Variants in CDC42 observed in about 807,000 individuals in gnomAD.
CDC42 encodes cell division control protein 42 homolog.
In CDC42, 1 loss-of-function variant was observed where a neutral mutation model predicts 20.8. The ratio of observed to expected loss-of-function variants is 0.05; its 90% CI spans 0.02 to 0.23. The LOEUF (loss-of-function observed/expected upper bound fraction) is 0.23. CDC42 is among the 10% of genes least tolerant of loss of function. CDC42 has a pLI of 1.00. For synonymous variants in CDC42, 72 were observed against 84.8 expected, an observed-to-expected ratio of 0.85 and a Z score of 0.83; for missense variants, 49 against 227.9, an observed-to-expected ratio of 0.21 and a Z score of 5.05.
chr1:22,090,049 C>T, intron 5 of CDC42: 1 of 1,612,782 alleles, frequency 6.2e-7, no homozygotes, highest in Non-Finnish European at 8.5e-7. Context: ...TTCTCCTTCC[C>T]TTCTTTGCTG....
intron 3 of CDC42, among the ~76,000 whole-genome samples, chr1:22,082,042 T>C (rs1484544582): frequency 6.7e-6 from 1 of 150,268 alleles, no homozygotes; most frequent in East Asian, 1.9e-4. Context: ...CTAGAGTGCA[T>C]CATACAAGCT....
intron 2 of CDC42, among the ~76,000 whole-genome samples, chr1:22,080,197 T>C (rs1280913906): frequency 1.3e-5 from 2 of 152,238 alleles, no homozygotes; most frequent in Non-Finnish European, 2.9e-5. Flanking sequence ...CTAAGTTTAA[T>C]TACTTAGCGT....
intron 1 of CDC42, among the ~76,000 whole-genome samples, chr1:22,066,785 C>T (rs944957139): frequency 6.6e-6 from 1 of 152,002 alleles, no homozygotes; most frequent in Non-Finnish European, 1.5e-5. Flanking sequence ...AAGGCATGGC[C>T]GGGTGCAGTG....
At chr1:22,083,476 G>C (rs1364588726) in intron 3 of CDC42, among the ~76,000 whole-genome samples, 1 of 151,810 alleles carries the variant, frequency 6.6e-6, no homozygotes, top group Non-Finnish European at 1.5e-5. Flanking sequence ...AGTGGTGTAT[G>C]CCTGTTAAGT....
At chr1:22,059,386 T>G (rs986420049) in intron 1 of CDC42, 4 of 152,200 alleles carry the variant, frequency 2.6e-5, no homozygotes, top group African/African-American at 7.2e-5. Flanking sequence ...TAATTCATAT[T>G]CATTATGAAA....
At chr1:22,065,798 G>A (rs1004443904) in intron 1 of CDC42, among the ~76,000 whole-genome samples, 3 of 152,072 alleles carry the variant, frequency 2.0e-5, no homozygotes, top group African/African-American at 4.8e-5. Context: ...CAGAGTCTCT[G>A]TCAACCAGGC....
At chr1:22,070,162 A>G (rs899811560) in intron 1 of CDC42, among the ~76,000 whole-genome samples, 1 of 152,222 alleles carries the variant, frequency 6.6e-6, no homozygotes, top group African/African-American at 2.4e-5. Context: ...TTCCTCTTCA[A>G]AGACTTCCCC....
At chr1:22,057,155 G>A (rs1645311914) in intron 1 of CDC42, among the ~76,000 whole-genome samples, 1 of 152,094 alleles carries the variant, frequency 6.6e-6, no homozygotes, top group South Asian at 2.1e-4. Context: ...TCTAAAATAG[G>A]GGTAGCAGTA....
At chr1:22,065,108 C>T (rs1474747918) in intron 1 of CDC42, among the ~76,000 whole-genome samples, 1 of 152,124 alleles carries the variant, frequency 6.6e-6, no homozygotes, top group Non-Finnish European at 1.5e-5. Flanking sequence ...ACAAAGGAAA[C>T]GAGGCTTAAA....
chr1:22,070,547 T>C (rs1363082091), intron 1 of CDC42, among the ~76,000 whole-genome samples: 2 of 138,772 alleles, frequency 1.4e-5, no homozygotes, highest in Non-Finnish European at 3.1e-5. Context: ...CACTACAAGC[T>C]CCGCCTCCTA....
chr1:22,081,948 C>G (rs1030496948), intron 3 of CDC42, among the ~76,000 whole-genome samples, 154 bp downstream of exon 3: 1 of 152,134 alleles, frequency 6.6e-6, no homozygotes, highest in African/African-American at 2.4e-5. Flanking sequence ...GATGCTTGAC[C>G]AAGGAGCAGT....
At chr1:22,067,569 G>A (rs1256213688) in intron 1 of CDC42, among the ~76,000 whole-genome samples, 1 of 152,120 alleles carries the variant, frequency 6.6e-6, no homozygotes, top group Non-Finnish European at 1.5e-5. Context: ...GGTCTCGAAC[G>A]CCTGACCTCA....
chr1:22,072,091 CTTTTTTT>C (rs55929932), intron 1 of CDC42, among the ~76,000 whole-genome samples: 7 of 70,810 alleles, frequency 9.9e-5, no homozygotes, highest in Admixed American at 2.1e-4. Flanking sequence ...TTTTACTTAC[CTTTTTTT>C]TTTTTTTTTT....
chr1:22,087,827 A>G (rs1349565924), intron 5 of CDC42, among the ~76,000 whole-genome samples: 2 of 152,228 alleles, frequency 1.3e-5, no homozygotes, highest in African/African-American at 4.8e-5. Flanking sequence ...AACTACGTGT[A>G]TACTAGGGTA....
intron 1 of CDC42, among the ~76,000 whole-genome samples, chr1:22,058,052 C>T (rs2152826165): frequency 6.6e-6 from 1 of 152,212 alleles, no homozygotes; most frequent in South Asian, 2.1e-4. Context: ...TATCCGTTAC[C>T]TTTACCGTTG....
chr1:22,058,555 T>C (rs946827391), intron 1 of CDC42, among the ~76,000 whole-genome samples: 1 of 151,150 alleles, frequency 6.6e-6, no homozygotes, highest in African/African-American at 2.4e-5. Context: ...TGATCTCCAC[T>C]CACTGCAACC....
chr1:22,073,060 C>T (rs1035400978), intron 1 of CDC42, among the ~76,000 whole-genome samples: 7 of 152,156 alleles, frequency 4.6e-5, no homozygotes, highest in Non-Finnish European at 8.8e-5. Flanking sequence ...GGAGTATCCC[C>T]TTCCTCCATA....
rs1028863816 is a variant in CDC42, at chr1:22,096,667, C to T, written c.*5150C>T. The stretch of plus-strand genomic sequence containing the variant: ...CTCACTGTATTCTGTGTGCCTGTGC[C>T]GCGGTGCAGGTGGTCAGTTGGAACC... On this transcript the variant is annotated 3_prime_UTR_variant, in exon 6 of 6. Coordinates refer to ENST00000656825, the MANE Select transcript of CDC42 (RefSeq NM_001791.4). 2.6e-5 allele frequency among the ~76,000 whole-genome samples: 4 copies of T among 152,146 alleles called. No individual in the cohort carries two copies. The highest frequency in any genetic ancestry group is 5.9e-5 in the Non-Finnish European group (4 of 68,040).
intron 1 of CDC42, among the ~76,000 whole-genome samples, chr1:22,071,827 G>A (rs1645495473): frequency 6.6e-6 from 1 of 152,124 alleles, no homozygotes; most frequent in African/African-American, 2.4e-5. Flanking sequence ...TACTTTTAGT[G>A]TGTTTTGGAT....
Sources: gnomAD v4.1 joint callset for allele counts (sites outside exome capture counted in the v4.1 genomes callset) on GRCh38, gnomAD v4.1.1 for gene constraint, MANE v1.5 for transcripts, NCBI Gene and HGNC (gene_info 2026-07-23, HGNC 2026-07-21) for gene names.